The following EDA variants were observed in gnomAD, a reference collection of about 807,000 sequenced individuals.
EDA encodes ectodysplasin-A.
EDA carries 2 observed loss-of-function variants against 23.6 expected under a neutral mutation model. The ratio of observed to expected loss-of-function variants is 0.08; its 90% confidence interval spans 0.03 to 0.27. EDA has a LOEUF of 0.27. EDA is among the 10% of genes least tolerant of loss of function. EDA has a pLI of 1.00. For missense variants in EDA, 229 were observed against 324.2 expected (o/e 0.71, Z 2.26); for synonymous variants, 131 against 132.0 (o/e 0.99, Z 0.05).
At chrX:69,873,742 TCAGA>T (rs776531272) in intron 1 of EDA, among the ~76,000 whole-genome samples, 10 of 111,932 alleles carry the variant, frequency 8.9e-5, no homozygotes, top group African/African-American at 3.2e-4. Flanking sequence ...CTGAATTCTA[TCAGA>T]CAGTCAAAGA....
chrX:69,820,851 A>G (rs191414515), intron 1 of EDA, among the ~76,000 whole-genome samples: 1 of 112,106 alleles, frequency 8.9e-6, no homozygotes, highest in East Asian at 2.8e-4. Flanking sequence ...ACCTAGAGGC[A>G]GAAATACTAT....
intron 1 of EDA, among the ~76,000 whole-genome samples, chrX:69,749,152 T>A (rs1193493285): frequency 1.3e-5 from 1 of 74,988 alleles, no homozygotes; most frequent in Non-Finnish European, 2.5e-5. Flanking sequence ...TGTGATCTCA[T>A]TGTTCAATTC....
chrX:70,029,613 A>G, intron 5 of EDA, 75 bp downstream of exon 5: 2 of 1,061,252 alleles, frequency 1.9e-6, no homozygotes, highest in South Asian at 3.8e-5. Context: ...TTAGCTTCTT[A>G]TTAGATTTCC....
intron 1 of EDA, among the ~76,000 whole-genome samples, chrX:69,894,539 C>T (rs2017979852): frequency 8.9e-6 from 1 of 112,041 alleles, no homozygotes; most frequent in Non-Finnish European, 1.9e-5. Context: ...TATCCATGAG[C>T]ATGGAATGTT....
chrX:69,960,992 C>T (rs1363441941), intron 2 of EDA, among the ~76,000 whole-genome samples: 2 of 104,828 alleles, frequency 1.9e-5, no homozygotes, highest in African/African-American at 7.0e-5. Context: ...GCACTTCAGC[C>T]TAGGCAACAG....
At chrX:69,876,686 A>AT (rs1235590592) in intron 1 of EDA, among the ~76,000 whole-genome samples, 3 of 111,710 alleles carry the variant, frequency 2.7e-5, no homozygotes, top group East Asian at 5.7e-4. Flanking sequence ...AAATGCAACC[A>AT]TGGAATATGT....
chrX:69,654,487 C>T (rs1191725849), intron 1 of EDA, among the ~76,000 whole-genome samples: 1 of 111,581 alleles, frequency 9.0e-6, no homozygotes, highest in East Asian at 2.8e-4. Flanking sequence ...GCTATAAAGA[C>T]ACATGCACAC....
At chrX:69,656,408 TTGGTGCTTTTACCCATGC>T in intron 1 of EDA, among the ~76,000 whole-genome samples, 2 of 111,885 alleles carry the variant, frequency 1.8e-5, no homozygotes, top group Middle Eastern at 9.1e-3. Flanking sequence ...TTCTGCCTCC[TTGGTGCTTTTACCCATGC>T]AATAAAAGTG....
Position 69,727,183 on chromosome X carries a change from A to T in EDA, c.396+110479A>T, listed in dbSNP as rs151193552. 5.4e-4 allele frequency among the ~76,000 whole-genome samples: 60 copies of T among 111,798 alleles called. No homozygotes were observed. In the East Asian group the frequency reaches 8.5e-3, roughly 16 times the overall value. On this transcript the variant is annotated intron_variant, in intron 1 of 7. Transcript: ENST00000374552. Reference sequence around the variant, plus strand: ...CAGTGAACTCCTCTCGACGACTTTCAGATGCTCTTTCTCTTTTCTCCTTCT... The same window carrying T: ...CAGTGAACTCCTCTCGACGACTTTCTGATGCTCTTTCTCTTTTCTCCTTCT...
At chrX:69,983,956 A>T (rs1396571177) in intron 2 of EDA, among the ~76,000 whole-genome samples, 35 of 104,740 alleles carry the variant, frequency 3.3e-4, no homozygotes, top group African/African-American at 1.2e-3. Flanking sequence ...AGAACTCAGG[A>T]TTAAGAATCT....
chrX:69,684,292 A>T (rs902053456), intron 1 of EDA, among the ~76,000 whole-genome samples: 1 of 111,899 alleles, frequency 8.9e-6, no homozygotes, highest in Non-Finnish European at 1.9e-5. Context: ...GGAGACAGAA[A>T]AACCGAAAAA....
At chrX:69,618,128 C>T (rs1329575473) in intron 1 of EDA, among the ~76,000 whole-genome samples, 1 of 111,805 alleles carries the variant, frequency 8.9e-6, no homozygotes, top group African/African-American at 3.3e-5. Flanking sequence ...CCCCCACACC[C>T]CAATGCCCAG....
At chrX:69,989,400 A>G (rs1237074629) in intron 2 of EDA, among the ~76,000 whole-genome samples, 3 of 111,614 alleles carry the variant, frequency 2.7e-5, no homozygotes, top group African/African-American at 9.8e-5. Context: ...CCCTCACATT[A>G]TACCTCACAT....
At chrX:70,019,514 A>G (rs1197902595) in intron 2 of EDA, among the ~76,000 whole-genome samples, 1 of 109,612 alleles carries the variant, frequency 9.1e-6, no homozygotes, top group African/African-American at 3.5e-5. Flanking sequence ...GCAGCACAGT[A>G]GACTGGATAA....
At chrX:69,951,105 A>T (rs750811050) in intron 1 of EDA, among the ~76,000 whole-genome samples, 70 of 70,769 alleles carry the variant, frequency 9.9e-4, no homozygotes, top group Admixed American at 3.2e-3. Flanking sequence ...AATAAATAAA[A>T]AAAGAAAAAA....
Position 69,866,692 on chromosome X carries a change from C to A in EDA, c.397-90335C>A, listed in dbSNP as rs898342338. ...TGGAGAACTTTGCCCCAGCCTGGCA[C>A]AGTGTTGTCACCTAATTGGCATTGT... On this transcript the variant is annotated intron_variant, in intron 1 of 7. Transcript: ENST00000374552. 3.6e-5 allele frequency among the ~76,000 whole-genome samples: 4 copies of A among 111,699 alleles called. No homozygotes were observed. In the South Asian group the frequency reaches 1.5e-3, roughly 42 times the overall value.
chrX:69,737,294 G>C (rs1030038176), intron 1 of EDA, among the ~76,000 whole-genome samples: 11 of 111,770 alleles, frequency 9.8e-5, no homozygotes, highest in Middle Eastern at 4.3e-3. Context: ...TATTCTATTT[G>C]TTCTATTTGC....
chrX:70,011,423 C>A (rs1026548067), intron 2 of EDA, among the ~76,000 whole-genome samples: 1 of 107,976 alleles, frequency 9.3e-6, no homozygotes, highest in African/African-American at 3.4e-5. Context: ...CTCTGCCTCC[C>A]GGGTTCAAGC....
intron 1 of EDA, among the ~76,000 whole-genome samples, chrX:69,809,636 G>A (rs185917121): frequency 1.8e-5 from 2 of 111,324 alleles, no homozygotes; most frequent in African/African-American, 3.3e-5. Flanking sequence ...GCAACTCCCC[G>A]AATAGTATAA....
Sources: gnomAD v4.1 joint callset for allele counts (sites outside exome capture counted in the v4.1 genomes callset) on GRCh38, gnomAD v4.1.1 for gene constraint, MANE v1.5 for transcripts, NCBI Gene and HGNC (gene_info 2026-07-23, HGNC 2026-07-21) for gene names.